The following ALMS1 variants were observed in gnomAD, a reference collection of about 807,000 sequenced individuals.
ALMS1 encodes ALMS1 centrosome and basal body associated protein.
In ALMS1, 271 loss-of-function variants were observed where a neutral mutation model predicts 352.2. That is an observed-to-expected ratio of 0.77 (90% CI 0.70 to 0.85). ALMS1 has a LOEUF of 0.85. Among genes scored for constraint, ALMS1 ranks in the 40% least tolerant of loss-of-function variants. ALMS1 has a pLI of 0.00. For synonymous variants in ALMS1, 1,865 were observed against 1,761.2 expected (o/e 1.06, Z -1.48); for missense variants, 5,445 against 4,870.7 (o/e 1.12, Z -3.51).
At chr2:73,482,001 T>G (rs1253175977) in intron 9 of ALMS1, among the ~76,000 whole-genome samples, 1 of 152,182 alleles carries the variant, frequency 6.6e-6, no homozygotes, top group Non-Finnish European at 1.5e-5. Flanking sequence ...GTTTTCTAGA[T>G]ATACAATCAT....
intron 10 of ALMS1, among the ~76,000 whole-genome samples, chr2:73,508,052 A>G (rs1411024880): frequency 6.6e-6 from 1 of 151,698 alleles, no homozygotes; most frequent in Non-Finnish European, 1.5e-5. Flanking sequence ...GTCATTCAGG[A>G]GCAGGTTATT....
At position 73,572,762 on chromosome 2, in the gene ALMS1, C is replaced by T; in HGVS notation, c.10885C>T (p.Leu3629Phe). Reference protein sequence around the residue: ...DRKELSLVDRLDRLAKILQNP... With the variant: ...DRKELSLVDRFDRLAKILQNP... ...GAAAGAACTGTCCTTGGTGGACCGACTTGATCGTTTGGCTAAAATTCTTCA... is the reference window on the plus strand; with the variant it reads ...GAAAGAACTGTCCTTGGTGGACCGATTTGATCGTTTGGCTAAAATTCTTCA... Residue 3629 changes from leucine (L) to phenylalanine (F), a missense_variant, in exon 16 of 23, where the codon CTT becomes TTT. Physicochemically the swap from Leu to Phe is conservative, Grantham distance 22. Transcript: ENST00000613296. The T allele has an allele frequency of 6.2e-7, 1 of 1,614,068 alleles. No homozygotes were observed. Among genetic ancestry groups the T allele is most frequent in the Admixed American group, 1.7e-5 (1 of 60,000 alleles).
At chr2:73,553,324 T>C (rs942157038) in intron 13 of ALMS1, among the ~76,000 whole-genome samples, 2 of 151,900 alleles carry the variant, frequency 1.3e-5, no homozygotes, top group South Asian at 4.1e-4. Flanking sequence ...GAAAACATGG[T>C]GGGATTGAGG....
chr2:73,386,679 CT>C (rs549187620), intron 1 of ALMS1, among the ~76,000 whole-genome samples: 199 of 152,196 alleles, frequency 1.3e-3, no homozygotes, highest in Non-Finnish European at 1.1e-3. Flanking sequence ...TTTTCCTCCC[CT>C]GGACCATCAT....
At chr2:73,584,763 T>C (rs1675270597) in intron 16 of ALMS1, among the ~76,000 whole-genome samples, 1 of 152,158 alleles carries the variant, frequency 6.6e-6, no homozygotes, top group Non-Finnish European at 1.5e-5. Flanking sequence ...TAATGTGTAG[T>C]CTTTTATTCC....
intron 10 of ALMS1, among the ~76,000 whole-genome samples, chr2:73,500,146 A>G (rs1673190270): frequency 6.6e-6 from 1 of 152,218 alleles, no homozygotes; most frequent in African/African-American, 2.4e-5. Flanking sequence ...TGTATTTCAT[A>G]ATGACGTGTT....
In ALMS1 at chr2:73,490,674, T is replaced by TC. The variant is rs1553409764; in HGVS notation, c.8718dup (p.Ser2907LeufsTer19). 4 of 1,614,048 alleles carry TC rather than the reference T, an allele frequency of 2.5e-6. No homozygotes were observed. The highest frequency in any genetic ancestry group is 3.4e-6 in the Non-Finnish European group (4 of 1,180,002). On this transcript the variant is annotated frameshift_variant, in exon 10 of 23. Transcript: ENST00000613296. LOFTEE classifies it high-confidence loss of function. ...ATGACCATGTGAGGAAACACCATTC[T>TC]CCCTCTCCTCAACATCAGGATTATG...
chr2:73,584,750 A>T (rs1208669128), intron 16 of ALMS1, among the ~76,000 whole-genome samples: 3 of 152,172 alleles, frequency 2.0e-5, no homozygotes, highest in Non-Finnish European at 4.4e-5. Flanking sequence ...TATACACTGC[A>T]CCTAATGTGT....
At chr2:73,525,928 T>C (rs1673781509) in intron 11 of ALMS1, among the ~76,000 whole-genome samples, 1 of 152,234 alleles carries the variant, frequency 6.6e-6, no homozygotes, top group South Asian at 2.1e-4. Context: ...TTTAAGTCTT[T>C]AATCCATTTT....
chr2:73,609,746 A>G lies in ALMS1; in HGVS notation c.*134A>G. 1 of 898,106 alleles carries G rather than the reference A, an allele frequency of 1.1e-6. No individual in the cohort carries two copies. 55.6% of individuals were successfully genotyped at this position (898,106 alleles called of 1,614,324 possible). A position where few individuals can be genotyped will look rare whatever the true frequency, so the allele number is the denominator to read the frequency against. On this transcript the variant is annotated 3_prime_UTR_variant, in exon 23 of 23. Transcript: ENST00000613296. Reference sequence around the variant, plus strand: ...GTATTTTAGAAATAGTAACTTCTAAAGAGTCTGGAACAAAGTGGTGATTAA... The same window carrying G: ...GTATTTTAGAAATAGTAACTTCTAAGGAGTCTGGAACAAAGTGGTGATTAA...
intron 10 of ALMS1, among the ~76,000 whole-genome samples, chr2:73,519,391 C>T (rs1673625860): frequency 6.6e-6 from 1 of 152,152 alleles, no homozygotes; most frequent in African/African-American, 2.4e-5. Flanking sequence ...CCCAGAACTC[C>T]TTGACAGAAT....
chr2:73,504,092 A>G (rs1673271090), intron 10 of ALMS1, among the ~76,000 whole-genome samples: 1 of 152,166 alleles, frequency 6.6e-6, no homozygotes, highest in African/African-American at 2.4e-5. Flanking sequence ...CAAGAAAAAT[A>G]TGTGACTCAC....
Position 73,520,198 on chromosome 2 carries a change from A to G in ALMS1, c.9781+182A>G, listed in dbSNP as rs370107653. Among the ~76,000 whole-genome samples, 5 of 152,342 alleles carry G rather than the reference A, an allele frequency of 3.3e-5. 1 individual carries two copies. Among genetic ancestry groups the G allele is most frequent in the South Asian group, 2.1e-4 (1 of 4,830 alleles). ...AACAGAATATGATTTATTATATTTT[A>G]TCTTAATTTCAAGCACAGTTAACAT... is the stretch of plus-strand genomic sequence containing the variant. On this transcript the variant is annotated intron_variant, in intron 11 of 22. Coordinates refer to ENST00000613296, the MANE Select transcript of ALMS1 (RefSeq NM_001378454.1).
chr2:73,471,493 CAAAAA>C (rs58688820), intron 9 of ALMS1, among the ~76,000 whole-genome samples: 2 of 113,634 alleles, frequency 1.8e-5, no homozygotes, highest in African/African-American at 7.6e-5. Context: ...ACTCAACAGC[CAAAAA>C]AAAAAAAAAA....
chr2:73,387,550 G>C (rs1670564394), intron 1 of ALMS1, among the ~76,000 whole-genome samples: 1 of 152,008 alleles, frequency 6.6e-6, no homozygotes, highest in African/African-American at 2.4e-5. Context: ...AGGTACTGTT[G>C]ATGAGAGAGA....
At position 73,452,276 on chromosome 2, in the gene ALMS1, G is replaced by A. The variant is rs1671960633; in HGVS notation, c.5749G>A (p.Ala1917Thr). The A allele has an allele frequency of 6.2e-7, 1 of 1,614,026 alleles. No individual in the cohort carries two copies. The highest frequency in any genetic ancestry group is 8.5e-7 in the Non-Finnish European group (1 of 1,179,988). Residue 1917 changes from alanine to threonine, a missense_variant, in exon 8 of 23, where the codon GCT (alanine) becomes ACT (threonine). Ala to Thr is a moderately conservative substitution (Grantham distance 58). Coordinates refer to ENST00000613296, the MANE Select transcript of ALMS1 (RefSeq NM_001378454.1). ...GGAGTTGCCAGATGTTACTGAAGAA[G>A]CTTTAAATGTTTTTGTTGTTCCTGG... is the stretch of plus-strand genomic sequence containing the variant. ...QQELPDVTEE[A>T]LNVFVVPGQG...
At chr2:73,608,658 G>A in intron 22 of ALMS1, 84 bp downstream of exon 22, 1 of 1,117,138 alleles carries the variant, frequency 9.0e-7, no homozygotes, top group Non-Finnish European at 1.3e-6. Context: ...CCTGTTGAGT[G>A]TGAAGTCAGA....
At chr2:73,528,776 G>A (rs1222323451) in intron 11 of ALMS1, among the ~76,000 whole-genome samples, 1 of 151,436 alleles carries the variant, frequency 6.6e-6, no homozygotes, top group Non-Finnish European at 1.5e-5. Flanking sequence ...AGATCCTGTA[G>A]GCATGCTTTA....
Position 73,452,355 on chromosome 2 carries a change from G to C in ALMS1, c.5828G>C (p.Arg1943Pro). The change falls in exon 8 of 23, where the codon CGT (arginine) becomes CCT (proline). Residue 1943 changes from arginine to proline, a missense_variant. Arg to Pro is a moderately radical substitution (Grantham distance 103). Transcript: ENST00000613296. The stretch of plus-strand genomic sequence containing the variant: ...ACAGTACCTTTAAGTTACTACTCAC[G>C]TAGAGAGAAGCCCAGTGTTATCTCT... ...IPTVPLSYYS[R>P]REKPSVISQQ... is the part of the protein sequence containing the mutation. 6.2e-7 allele frequency: 1 copy of C among 1,613,690 alleles called. No individual in the cohort carries two copies. The highest frequency in any genetic ancestry group is 1.1e-5 in the South Asian group (1 of 91,042).
Sources: allele counts gnomAD v4.1 joint callset (sites outside exome capture counted in the v4.1 genomes callset), GRCh38; gene constraint gnomAD v4.1.1; transcripts MANE v1.5; gene names NCBI Gene and HGNC (gene_info 2026-07-23, HGNC 2026-07-21).